The following TENM2 variants were observed in gnomAD, a reference collection of about 807,000 sequenced individuals.
TENM2 encodes teneurin-2.
In TENM2, 52 loss-of-function variants were observed where a neutral mutation model predicts 245.2. That is an observed-to-expected ratio of 0.21 (90% CI 0.17 to 0.27). TENM2 has a LOEUF of 0.27. TENM2 is among the 10% of genes least tolerant of loss of function. The pLI is 1.00. For missense variants in TENM2, 3,046 were observed against 3,666.8 expected, an observed-to-expected ratio of 0.83 and a Z score of 4.37; for synonymous variants, 1,363 against 1,438.9, an observed-to-expected ratio of 0.95 and a Z score of 1.19.
intron 3 of TENM2, among the ~76,000 whole-genome samples, chr5:167,923,615 T>C (rs1294193664): frequency 1.3e-5 from 2 of 152,190 alleles, no homozygotes; most frequent in Admixed American, 1.3e-4. Context: ...CTGGTCTGCA[T>C]GGTAAATGAA....
chr5:167,042,220 C>G, the TENM2 span, among the ~76,000 whole-genome samples: 1 of 152,272 alleles, frequency 6.6e-6, no homozygotes, highest in South Asian at 2.1e-4. Flanking sequence ...GTGTTCCTTT[C>G]GATGTAATAT....
chr5:167,544,762 C>A lies in TENM2; in HGVS notation c.502+169289C>A, dbSNP rs558738288. 3.3e-5 allele frequency among the ~76,000 whole-genome samples: 5 copies of A among 152,254 alleles called. 1 individual carries two copies. The highest frequency in any genetic ancestry group is 1.2e-4 in the African/African-American group (5 of 41,546). On this transcript the variant is annotated intron_variant, in intron 2 of 28. Transcript: ENST00000518659. ...AGAAATAATAAAACTAATTCCTTCC[C>A]TCATGGAGCTGATATTCTAAGGAGA...
intron 2 of TENM2, among the ~76,000 whole-genome samples, chr5:167,421,119 T>C (rs751804605): frequency 3.9e-5 from 6 of 152,200 alleles, no homozygotes; most frequent in Non-Finnish European, 8.8e-5. Flanking sequence ...GTAATACGTC[T>C]ATGCTAAAAC....
chr5:167,885,653 C>A (rs146016284), intron 3 of TENM2, among the ~76,000 whole-genome samples: 1 of 152,240 alleles, frequency 6.6e-6, no homozygotes, highest in Non-Finnish European at 1.5e-5. Flanking sequence ...ACAAAACACC[C>A]TTCTCTCTAG....
intron 12 of TENM2, among the ~76,000 whole-genome samples, chr5:168,158,817 GTGTGTGTGTGTGTATA>G (rs1757440510): frequency 1.4e-5 from 1 of 70,658 alleles, no homozygotes; most frequent in Non-Finnish European, 2.8e-5. Flanking sequence ...ATGTGTGTGT[GTGTGTGTGTGTGTATA>G]TATATATATA....
At chr5:167,843,798 G>A (rs1275592475) in intron 2 of TENM2, among the ~76,000 whole-genome samples, 1 of 152,144 alleles carries the variant, frequency 6.6e-6, no homozygotes, top group Non-Finnish European at 1.5e-5. Context: ...TATAACAATA[G>A]GGACTATCAC....
chr5:167,817,490 A>G (rs1767150280), intron 2 of TENM2, among the ~76,000 whole-genome samples: 1 of 152,234 alleles, frequency 6.6e-6, no homozygotes, highest in Non-Finnish European at 1.5e-5. Context: ...TTTATAAAAT[A>G]TGAAGAGTTT....
chr5:167,023,597 C>CAG, the TENM2 span, among the ~76,000 whole-genome samples: 3 of 152,182 alleles, frequency 2.0e-5, no homozygotes, highest in Non-Finnish European at 4.4e-5. Flanking sequence ...TGAAGGATGA[C>CAG]TGTTTATATT....
At chr5:167,793,302 A>G (rs946663626) in intron 2 of TENM2, among the ~76,000 whole-genome samples, 21 of 152,184 alleles carry the variant, frequency 1.4e-4, no homozygotes, top group African/African-American at 5.1e-4. Context: ...AAAATGGGTT[A>G]TAATAATAAT....
chr5:167,675,838 A>G (rs1169378297), intron 2 of TENM2, among the ~76,000 whole-genome samples: 1 of 152,144 alleles, frequency 6.6e-6, no homozygotes. Flanking sequence ...CAGTACCACA[A>G]AAATATTGTT....
chr5:168,125,074 C>T (rs1256690710), intron 11 of TENM2, 24 bp downstream of exon 13: 7 of 1,583,638 alleles, frequency 4.4e-6, no homozygotes, highest in Non-Finnish European at 6.0e-6. Context: ...TTTTCTCCTT[C>T]CTCTCTCCAA....
intron 2 of TENM2, among the ~76,000 whole-genome samples, chr5:167,849,578 G>C (rs1257485996): frequency 6.6e-6 from 1 of 151,950 alleles, no homozygotes; most frequent in Non-Finnish European, 1.5e-5. Context: ...AGATCCCACA[G>C]GTTAAGGGCC....
chr5:167,598,244 C>T (rs1356056224), intron 2 of TENM2, among the ~76,000 whole-genome samples: 3 of 152,180 alleles, frequency 2.0e-5, no homozygotes, highest in African/African-American at 7.2e-5. Context: ...CCTTCTGGAA[C>T]ATGAAATTTG....
chr5:167,217,736 AAT>A, the TENM2 span, among the ~76,000 whole-genome samples: 2 of 145,402 alleles, frequency 1.4e-5, no homozygotes, highest in African/African-American at 5.1e-5. Context: ...ATATATATAT[AAT>A]ATATGTGATA....
At chr5:167,449,562 AG>A (rs1765449380) in intron 2 of TENM2, among the ~76,000 whole-genome samples, 1 of 149,222 alleles carries the variant, frequency 6.7e-6, no homozygotes, top group Non-Finnish European at 1.5e-5. Context: ...ATAGATAGAT[AG>A]ATAGATAAAG....
intron 7 of TENM2, among the ~76,000 whole-genome samples, chr5:168,070,693 A>C (rs573001628): frequency 6.6e-6 from 1 of 150,718 alleles, no homozygotes; most frequent in Non-Finnish European, 1.5e-5. Context: ...GGAGGCTGAG[A>C]TGGGAGGATT....
chr5:167,718,488 C>T (rs1759413130), intron 2 of TENM2, among the ~76,000 whole-genome samples: 1 of 152,144 alleles, frequency 6.6e-6, no homozygotes, highest in Non-Finnish European at 1.5e-5. Flanking sequence ...TGAAAAATCT[C>T]CTGGGATGAA....
chr5:167,559,730 T>C (rs1773469808), intron 2 of TENM2, among the ~76,000 whole-genome samples: 1 of 152,160 alleles, frequency 6.6e-6, no homozygotes, highest in African/African-American at 2.4e-5. Flanking sequence ...TCCCATATCA[T>C]AGTATTTTGG....
chr5:167,387,215 C>T (rs1761486262), intron 2 of TENM2, among the ~76,000 whole-genome samples: 1 of 152,010 alleles, frequency 6.6e-6, no homozygotes, highest in Admixed American at 6.6e-5. Flanking sequence ...TTGTAGAGGT[C>T]TTTCACCTCC....
Sources: allele counts gnomAD v4.1 joint callset (sites outside exome capture counted in the v4.1 genomes callset), GRCh38; gene constraint gnomAD v4.1.1; transcripts MANE v1.5; gene names NCBI Gene and HGNC (gene_info 2026-07-23, HGNC 2026-07-21).